Variants in ANKFN1 observed in about 807,000 individuals in gnomAD.
ANKFN1 encodes the protein ankyrin repeat and fibronectin type III domain containing 1, also known as ankyrin repeat and fibronectin type-III domain-containing protein 1.
A neutral mutation model predicts 108.7 loss-of-function variants in ANKFN1; 74 were observed. The observed-to-expected ratio is 0.68, with a 90% CI of 0.56 to 0.83. The LOEUF (loss-of-function observed/expected upper bound fraction) is 0.83, where lower values mean the gene tolerates loss of function less well. Among genes scored for constraint, ANKFN1 ranks in the 40% least tolerant of loss-of-function variants. ANKFN1 has a pLI of 0.00. For missense variants in ANKFN1, 1,505 were observed against 1,382.3 expected (o/e 1.09, Z -1.41); for synonymous variants, 547 against 516.2 (o/e 1.06, Z -0.81).
At chr17:56,323,326 T>C (rs1321044939) in intron 3 of ANKFN1, 1 of 152,586 alleles carries the variant, frequency 6.6e-6, no homozygotes, top group Non-Finnish European at 1.5e-5. Context: ...TCACTTATAC[T>C]TCTCTCAGAA....
At chr17:56,115,068 G>C (rs1157145029) in intron 4 of ANKFN1, among the ~76,000 whole-genome samples, 4 of 152,180 alleles carry the variant, frequency 2.6e-5, no homozygotes, top group Non-Finnish European at 4.4e-5. Flanking sequence ...AAGATAATAG[G>C]TTTTGTATTG....
At chr17:56,170,797 T>TACACACAC (rs1388858057) in intron 1 of ANKFN1, among the ~76,000 whole-genome samples, 1 of 62,646 alleles carries the variant, frequency 1.6e-5, no homozygotes, top group African/African-American at 4.7e-5. Context: ...TATATATATA[T>TACACACAC]ATATATATAT....
intron 4 of ANKFN1, among the ~76,000 whole-genome samples, chr17:56,086,883 C>T (rs1402127167): frequency 1.3e-5 from 2 of 151,212 alleles, no homozygotes; most frequent in Non-Finnish European, 1.5e-5. Context: ...AAGTCAAGTG[C>T]CAGAGTAGGA....
intron 3 of ANKFN1, among the ~76,000 whole-genome samples, chr17:56,317,681 G>T (rs1483698043): frequency 2.0e-5 from 3 of 152,142 alleles, no homozygotes; most frequent in Non-Finnish European, 4.4e-5. Context: ...CCATGGCTGG[G>T]ATGGGGCTTG....
At position 56,499,040 on chromosome 17, in the gene ANKFN1, A is replaced by C. The variant is rs1445240626; in HGVS notation, c.2586A>C (p.Ile862=). The C allele has an allele frequency of 6.5e-7, 1 of 1,535,770 alleles. No individual in the cohort carries two copies. Among genetic ancestry groups the C allele is most frequent in the Admixed American group, 2.0e-5 (1 of 50,980 alleles). The change falls in exon 20 of 21, where the codon ATA becomes ATC. Residue 862 remains isoleucine, a synonymous_variant. Coordinates refer to ENST00000682825, the MANE Select transcript of ANKFN1 (RefSeq NM_001370326.1). ...TCAATTCTACATCATCATCACATAT[A>C]GACTGTCTTCCATCCCCACCCCCAT... ...KKINSTSSSH[I]DCLPSPPPSP...
chr17:56,212,113 G>T (rs931171596), intron 1 of ANKFN1, among the ~76,000 whole-genome samples: 2 of 151,494 alleles, frequency 1.3e-5, no homozygotes, highest in Admixed American at 6.6e-5. Flanking sequence ...TCCTTGTCTT[G>T]TTCCAGTTCT....
chr17:56,348,599 T>A (rs1428358962), intron 4 of ANKFN1, among the ~76,000 whole-genome samples: 1 of 152,208 alleles, frequency 6.6e-6, no homozygotes, highest in East Asian at 1.9e-4. Flanking sequence ...GCAAAAGACA[T>A]GAACAGACAC....
At chr17:56,413,356 A>C (rs2145005288) in intron 8 of ANKFN1, among the ~76,000 whole-genome samples, 1 of 152,260 alleles carries the variant, frequency 6.6e-6, no homozygotes, top group African/African-American at 2.4e-5. Flanking sequence ...ATATAGAATC[A>C]TGTTGTCTGC....
intron 3 of ANKFN1, among the ~76,000 whole-genome samples, chr17:56,259,181 G>A (rs2043438604): frequency 6.6e-6 from 1 of 152,148 alleles, no homozygotes; most frequent in Admixed American, 6.5e-5. Flanking sequence ...ATTGAATGGT[G>A]AAGCCAGTAC....
chr17:56,251,021 C>G (rs2043222624), intron 3 of ANKFN1, among the ~76,000 whole-genome samples: 1 of 151,988 alleles, frequency 6.6e-6, no homozygotes, highest in Admixed American at 6.6e-5. Context: ...ATTTCTTTAA[C>G]TGGTTTCCTT....
chr17:56,119,414 C>T (rs1236144467), intron 4 of ANKFN1, among the ~76,000 whole-genome samples: 2 of 152,124 alleles, frequency 1.3e-5, no homozygotes, highest in Admixed American at 1.3e-4. Context: ...AGAGGCCTGG[C>T]GGTTATTAGT....
intron 1 of ANKFN1, among the ~76,000 whole-genome samples, chr17:56,205,655 A>AT (rs1372761945): frequency 5.9e-5 from 9 of 151,384 alleles, no homozygotes; most frequent in South Asian, 2.1e-4. Context: ...GAAATTTCTG[A>AT]TTTTTTTTTC....
chr17:56,328,331 C>T (rs2045576857), intron 4 of ANKFN1, among the ~76,000 whole-genome samples: 1 of 152,146 alleles, frequency 6.6e-6, no homozygotes, highest in Non-Finnish European at 1.5e-5. Context: ...GGCTTATTTG[C>T]ACCCCCCAAA....
At chr17:56,057,675 A>G (rs1259893762) in intron 4 of ANKFN1, among the ~76,000 whole-genome samples, 1 of 152,094 alleles carries the variant, frequency 6.6e-6, no homozygotes, top group Non-Finnish European at 1.5e-5. Context: ...AGTCCCACCT[A>G]CTTGAGAGGC....
At chr17:56,381,149 G>A (rs991557833) in intron 8 of ANKFN1, among the ~76,000 whole-genome samples, 1 of 152,216 alleles carries the variant, frequency 6.6e-6, no homozygotes, top group Non-Finnish European at 1.5e-5. Context: ...CTGTTCTGCA[G>A]CCACCGCTGC....
intron 8 of ANKFN1, among the ~76,000 whole-genome samples, chr17:56,384,276 C>A (rs1241514365): frequency 6.6e-6 from 1 of 152,178 alleles, no homozygotes; most frequent in Admixed American, 6.5e-5. Flanking sequence ...TAAAATTCAA[C>A]AACCCTTCAT....
intron 14 of ANKFN1, chr17:56,462,273 A>C (rs2049927145): frequency 6.6e-6 from 1 of 152,332 alleles, no homozygotes; most frequent in South Asian, 2.1e-4. Flanking sequence ...CATAGTTAAT[A>C]TGTTAGATCA....
chr17:56,402,764 T>G (rs2047800395), intron 8 of ANKFN1, among the ~76,000 whole-genome samples: 1 of 152,158 alleles, frequency 6.6e-6, no homozygotes, highest in Non-Finnish European at 1.5e-5. Flanking sequence ...TGGTTTGTTC[T>G]TGTTTCTCTA....
intron 1 of ANKFN1, among the ~76,000 whole-genome samples, chr17:56,170,771 T>A (rs4494613): frequency 0.55 from 43,680 of 79,862 alleles, 12,468 homozygotes; most frequent in East Asian, 0.78. Context: ...AAGAAAAAAT[T>A]TTTTATATAT....
Sources: allele counts gnomAD v4.1 joint callset (sites outside exome capture counted in the v4.1 genomes callset), GRCh38; gene constraint gnomAD v4.1.1; transcripts MANE v1.5; gene names NCBI Gene and HGNC (gene_info 2026-07-23, HGNC 2026-07-21).